HAVCR1: variants seen among roughly 807,000 people sequenced by gnomAD.
The protein encoded by HAVCR1 is hepatitis A virus cellular receptor 1.
HAVCR1 carries 34 observed loss-of-function variants against 32.0 expected under a neutral mutation model. The ratio of observed to expected loss-of-function variants is 1.06; its 90% CI spans 0.81 to 1.42. HAVCR1 has a LOEUF of 1.42. HAVCR1 is among the 40% of genes most tolerant of loss of function. HAVCR1 has a pLI of 0.00. For missense variants in HAVCR1, 420 were observed against 442.3 expected (o/e 0.95, Z 0.45); for synonymous variants, 178 against 170.3 (o/e 1.05, Z -0.35).
chr5:157,029,681 G>T lies in HAVCR1; in HGVS notation c.*52C>A. The T allele has an allele frequency of 6.2e-7, 1 of 1,610,304 alleles. No individual in the cohort carries two copies. Among genetic ancestry groups the T allele is most frequent in the Non-Finnish European group, 8.5e-7 (1 of 1,179,210 alleles). Reference sequence around the variant, plus strand: ...AAAGACGTCTGATGTGCTGATGTCTGTTCAGTCTTCTGCACTCATGGGCGT... The same window carrying T: ...AAAGACGTCTGATGTGCTGATGTCTTTTCAGTCTTCTGCACTCATGGGCGT... On this transcript the variant is annotated 3_prime_UTR_variant, in exon 9 of 9. Transcript: ENST00000523175.
chr5:157,033,266 T>G (rs1294868256), intron 7 of HAVCR1, among the ~76,000 whole-genome samples: 1 of 152,014 alleles, frequency 6.6e-6, no homozygotes, highest in Non-Finnish European at 1.5e-5. Flanking sequence ...ACTTTAAGAG[T>G]CACCTCTATC....
chr5:157,068,167 AG>A, the HAVCR1 span, among the ~76,000 whole-genome samples: 32 of 152,244 alleles, frequency 2.1e-4, no homozygotes, highest in Non-Finnish European at 3.2e-4. Context: ...CCAACTACTC[AG>A]GAGGCTGAGG....
intron 3 of HAVCR1, among the ~76,000 whole-genome samples, chr5:157,054,077 A>G (rs1755955800): frequency 6.6e-6 from 1 of 150,494 alleles, no homozygotes; most frequent in Non-Finnish European, 1.5e-5. Context: ...CCAGCTACTC[A>G]GGAGGTTGAG....
intron 6 of HAVCR1, among the ~76,000 whole-genome samples, chr5:157,038,669 CTAT>C (rs1278433724): frequency 6.6e-6 from 1 of 152,098 alleles, no homozygotes; most frequent in Non-Finnish European, 1.5e-5. Context: ...GAGTGCAAAA[CTAT>C]GTTGTTATTA....
intron 7 of HAVCR1, among the ~76,000 whole-genome samples, chr5:157,036,007 C>A (rs1412849097): frequency 1.3e-5 from 2 of 152,092 alleles, no homozygotes; most frequent in Non-Finnish European, 2.9e-5. Flanking sequence ...AATCAAGGGG[C>A]TCTGGAACCA....
Position 157,052,782 on chromosome 5 carries a change from A to G in HAVCR1, c.380-128T>C, listed in dbSNP as rs186161051. 4.5e-3 allele frequency: 3,496 copies of G among 783,232 alleles called. 16 individuals are homozygous for G. Among genetic ancestry groups the G allele is most frequent in the Non-Finnish European group, 6.7e-3 (3,122 of 464,802 alleles). The allele number at this position is 783,232 out of a possible 1,614,324, so 48.5% of individuals were successfully genotyped here. On this transcript the variant is annotated intron_variant, in intron 3 of 8. Transcript: ENST00000523175. ...GTGGAGTTAACTTCCTGAACTGTCA[A>G]TCTTGGTCATTGCCCAGCTAGAAAC...
At chr5:157,050,074 C>T (rs1266177795) in intron 4 of HAVCR1, among the ~76,000 whole-genome samples, 1 of 152,184 alleles carries the variant, frequency 6.6e-6, no homozygotes, top group Non-Finnish European at 1.5e-5. Flanking sequence ...AATTCCCAAA[C>T]CTGGCTTTCC....
chr5:157,052,230 T>C, intron 4 of HAVCR1, 131 bp downstream of exon 4: 1 of 767,686 alleles, frequency 1.3e-6, no homozygotes. Flanking sequence ...TCACAAACCC[T>C]GAGGAGACCC....
At chr5:157,037,205 G>C (rs903420273) in intron 7 of HAVCR1, 42 bp downstream of exon 7, 1 of 1,001,706 alleles carries the variant, frequency 1.0e-6, no homozygotes. Flanking sequence ...CAATTTTGCT[G>C]TACATCCCTT....
At chr5:157,051,735 C>T (rs1755751932) in intron 4 of HAVCR1, among the ~76,000 whole-genome samples, 1 of 152,104 alleles carries the variant, frequency 6.6e-6, no homozygotes, top group South Asian at 2.1e-4. Flanking sequence ...TTTTGAACTC[C>T]TCGGCTAAAA....
intron 3 of HAVCR1, among the ~76,000 whole-genome samples, chr5:157,053,466 G>A (rs1755899825): frequency 6.6e-6 from 1 of 151,504 alleles, no homozygotes; most frequent in Admixed American, 6.6e-5. Context: ...CTAAGAGACT[G>A]CAAATTAAAA....
chr5:157,049,185 G>A (rs750389604), intron 4 of HAVCR1, 40 bp from the exon 5 acceptor site: 6 of 1,217,496 alleles, frequency 4.9e-6, no homozygotes, highest in Non-Finnish European at 6.1e-6. Flanking sequence ...CATTTGTGGA[G>A]GAAAATGTGC....
intron 6 of HAVCR1, among the ~76,000 whole-genome samples, chr5:157,040,792 G>A (rs1397225663): frequency 6.6e-6 from 1 of 152,004 alleles, no homozygotes; most frequent in East Asian, 1.9e-4. Flanking sequence ...CCCAGCTACT[G>A]GGGAGGCTGA....
chr5:157,066,049 C>T, the HAVCR1 span, among the ~76,000 whole-genome samples: 1 of 76,484 alleles, frequency 1.3e-5, no homozygotes, highest in Non-Finnish European at 2.4e-5. Flanking sequence ...GAGCGAGACT[C>T]CGTCTTAAAA....
At chr5:157,046,206 A>G (rs1194972919) in intron 5 of HAVCR1, among the ~76,000 whole-genome samples, 1 of 152,184 alleles carries the variant, frequency 6.6e-6, no homozygotes, top group East Asian at 1.9e-4. Flanking sequence ...GCAGCTGCCT[A>G]CAGATTGGCA....
upstream of HAVCR1, among the ~76,000 whole-genome samples, chr5:157,062,459 C>A (rs921116176): frequency 2.0e-5 from 3 of 152,218 alleles, no homozygotes; most frequent in Admixed American, 2.0e-4. Flanking sequence ...CAGCGCACAT[C>A]GTACCTCCAG....
At chr5:157,044,930 T>C (rs915768757) in intron 5 of HAVCR1, among the ~76,000 whole-genome samples, 1 of 152,140 alleles carries the variant, frequency 6.6e-6, no homozygotes, top group African/African-American at 2.4e-5. Flanking sequence ...CAGTTATGTA[T>C]GTATGTATAG....
In HAVCR1 at chr5:157,048,087, C is replaced by T. The variant is rs573063084; in HGVS notation, c.781+951G>A. 1.2e-4 allele frequency among the ~76,000 whole-genome samples: 19 copies of T among 152,284 alleles called. 1 individual carries two copies. The highest frequency in any genetic ancestry group is 4.6e-4 in the African/African-American group (19 of 41,558). On this transcript the variant is annotated intron_variant, in intron 5 of 8. Transcript: ENST00000523175. ...GACAGAAAACCCAGTTTGGGAGTTTCCCTTAATAGCGAGGACACAAACATT... is the reference window on the plus strand; with the variant it reads ...GACAGAAAACCCAGTTTGGGAGTTTTCCTTAATAGCGAGGACACAAACATT...
At chr5:157,034,173 G>C (rs963397700) in intron 7 of HAVCR1, among the ~76,000 whole-genome samples, 1 of 152,100 alleles carries the variant, frequency 6.6e-6, no homozygotes, top group Non-Finnish European at 1.5e-5. Context: ...AGTTCCCTCA[G>C]TATTTATTGA....
Sources: allele counts gnomAD v4.1 joint callset (sites outside exome capture counted in the v4.1 genomes callset), GRCh38; gene constraint gnomAD v4.1.1; transcripts MANE v1.5; gene names NCBI Gene and HGNC (gene_info 2026-07-23, HGNC 2026-07-21).